CDYL2: variants seen among roughly 807,000 people sequenced by gnomAD.
CDYL2 encodes chromodomain Y-like protein 2.
CDYL2 carries 23 observed loss-of-function variants against 49.4 expected under a neutral mutation model. That is an observed-to-expected ratio of 0.47 (90% CI 0.34 to 0.66). The LOEUF is 0.66. Among genes scored for constraint, CDYL2 ranks in the 30% least tolerant of loss-of-function variants. The pLI, the probability that CDYL2 is intolerant of heterozygous loss-of-function variation, is 0.01. For missense variants in CDYL2, 678 were observed against 656.4 expected (o/e 1.03, Z -0.36); for synonymous variants, 360 against 268.8 (o/e 1.34, Z -3.32).
chr16:80,660,467 A>G (rs1197423203), intron 2 of CDYL2, among the ~76,000 whole-genome samples: 1 of 152,140 alleles, frequency 6.6e-6, no homozygotes, highest in Non-Finnish European at 1.5e-5. Context: ...TACAATCTAC[A>G]GCTAGCTTCT....
At chr16:80,794,001 G>A (rs571806315) in intron 1 of CDYL2, among the ~76,000 whole-genome samples, 64 of 152,254 alleles carry the variant, frequency 4.2e-4, no homozygotes, top group African/African-American at 1.5e-3. Flanking sequence ...ATCGGGTGTG[G>A]TTTGACCATC....
chr16:80,706,443 T>G (rs1016176443), intron 1 of CDYL2, among the ~76,000 whole-genome samples: 1 of 152,190 alleles, frequency 6.6e-6, no homozygotes, highest in Non-Finnish European at 1.5e-5. Context: ...TCAAACTATT[T>G]TTGCCTCTCT....
intron 2 of CDYL2, among the ~76,000 whole-genome samples, chr16:80,672,545 G>GAAAAGGA (rs1909567045): frequency 1.0e-5 from 1 of 100,150 alleles, no homozygotes; most frequent in East Asian, 3.0e-4. Context: ...AAAAGGAAAG[G>GAAAAGGA]AAAGGAAAGG....
intron 1 of CDYL2, among the ~76,000 whole-genome samples, chr16:80,728,098 G>T (rs1449946721): frequency 6.6e-6 from 1 of 152,216 alleles, no homozygotes; most frequent in Admixed American, 6.5e-5. Context: ...AAGCTGGATG[G>T]GGAATGACTT....
chr16:80,714,235 T>C (rs541561910), intron 1 of CDYL2, among the ~76,000 whole-genome samples: 1 of 152,158 alleles, frequency 6.6e-6, no homozygotes, highest in South Asian at 2.1e-4. Flanking sequence ...TCCCCTAAAC[T>C]GCAAGCTGGG....
intron 2 of CDYL2, among the ~76,000 whole-genome samples, chr16:80,680,160 A>T (rs914311586): frequency 4.6e-5 from 7 of 152,248 alleles, no homozygotes; most frequent in African/African-American, 1.7e-4. Context: ...TAAAAGATCA[A>T]TGGAGAGAAA....
intron 1 of CDYL2, among the ~76,000 whole-genome samples, chr16:80,782,699 A>C (rs965349660): frequency 3.9e-5 from 6 of 152,088 alleles, no homozygotes; most frequent in African/African-American, 1.4e-4. Context: ...GAAACATGAA[A>C]ATCAATAAAT....
At chr16:80,699,486 A>G (rs1359843332) in intron 1 of CDYL2, among the ~76,000 whole-genome samples, 1 of 151,936 alleles carries the variant, frequency 6.6e-6, no homozygotes, top group Non-Finnish European at 1.5e-5. Context: ...AGTAGAGAGT[A>G]GAACAGTAGT....
At chr16:80,765,666 G>A (rs1906694412) in intron 1 of CDYL2, among the ~76,000 whole-genome samples, 1 of 139,744 alleles carries the variant, frequency 7.2e-6, no homozygotes, top group Non-Finnish European at 1.5e-5. Context: ...CAATCCAAAT[G>A]TCCATCAACT....
intron 1 of CDYL2, among the ~76,000 whole-genome samples, chr16:80,768,374 T>C (rs560304860): frequency 3.3e-5 from 5 of 152,334 alleles, no homozygotes; most frequent in African/African-American, 1.2e-4. Flanking sequence ...CTAACCAGTG[T>C]CCATGTGTCT....
At chr16:80,689,366 C>T (rs1356781382) in intron 1 of CDYL2, among the ~76,000 whole-genome samples, 1 of 152,164 alleles carries the variant, frequency 6.6e-6, no homozygotes, top group African/African-American at 2.4e-5. Context: ...ATGCATAGTT[C>T]CAGGAACTGT....
intron 4 of CDYL2, among the ~76,000 whole-genome samples, chr16:80,617,670 A>G (rs929962994): frequency 1.3e-5 from 2 of 152,044 alleles, no homozygotes; most frequent in African/African-American, 2.4e-5. Context: ...TAACCCCGGG[A>G]GCATCTGTCT....
intron 1 of CDYL2, among the ~76,000 whole-genome samples, chr16:80,803,584 G>T (rs1249005046): frequency 1.6e-5 from 1 of 62,230 alleles, no homozygotes; most frequent in Non-Finnish European, 3.2e-5. Flanking sequence ...TTGTCCCCCC[G>T]AACCCCCACC....
At chr16:80,657,025 CAGAG>C (rs1157292409) in intron 2 of CDYL2, among the ~76,000 whole-genome samples, 1 of 151,934 alleles carries the variant, frequency 6.6e-6, no homozygotes, top group Non-Finnish European at 1.5e-5. Context: ...ACAAAACTAT[CAGAG>C]AGAGAGAGAA....
At chr16:80,639,658 G>C (rs1394395311) in intron 2 of CDYL2, 1 of 455,364 alleles carries the variant, frequency 2.2e-6, no homozygotes, top group Non-Finnish European at 4.4e-6. Flanking sequence ...AAAAAATCAG[G>C]TGAGCACTCA....
intron 1 of CDYL2, among the ~76,000 whole-genome samples, chr16:80,717,238 T>G (rs558777783): frequency 6.6e-6 from 1 of 152,174 alleles, no homozygotes; most frequent in African/African-American, 2.4e-5. Flanking sequence ...TTCTTACTAT[T>G]CAACTTTAGG....
intron 2 of CDYL2, among the ~76,000 whole-genome samples, chr16:80,658,917 C>T (rs960745499): frequency 6.6e-5 from 10 of 152,156 alleles, no homozygotes; most frequent in Admixed American, 2.0e-4. Flanking sequence ...TGCAAAAGGG[C>T]ATATAAGGCA....
At chr16:80,780,694 G>A (rs1025391033) in intron 1 of CDYL2, among the ~76,000 whole-genome samples, 9 of 152,080 alleles carry the variant, frequency 5.9e-5, no homozygotes, top group South Asian at 2.1e-4. Flanking sequence ...GTGAGCCACC[G>A]CGCCCGGCCC....
In CDYL2 at chr16:80,614,867, G is replaced by A. The variant is rs1180866780; in HGVS notation, c.1008-2031C>T. On this transcript the variant is annotated intron_variant, in intron 4 of 6. Transcript: ENST00000570137. ...AAACAGAGTGAGACTCTGTCTCAGG[G>A]AGAAAAAAAAAAAAAAAAAAAAAAG... 3.7e-5 allele frequency among the ~76,000 whole-genome samples: 4 copies of A among 108,366 alleles called. 1 individual carries two copies. The highest frequency in any genetic ancestry group is 5.1e-4 in the East Asian group (2 of 3,886). 71.1% of individuals were successfully genotyped at this position (108,366 alleles called of 152,430 possible). A position where few individuals can be genotyped will look rare whatever the true frequency, so the allele number is the denominator to read the frequency against.
Sources: allele counts gnomAD v4.1 joint callset (sites outside exome capture counted in the v4.1 genomes callset), GRCh38; gene constraint gnomAD v4.1.1; transcripts MANE v1.5; gene names NCBI Gene and HGNC (gene_info 2026-07-23, HGNC 2026-07-21).